The following FAM185A variants were observed in gnomAD, a reference collection of about 807,000 sequenced individuals.
FAM185A encodes protein FAM185A.
A neutral mutation model predicts 45.7 loss-of-function variants in FAM185A; 21 were observed. The ratio of observed to expected loss-of-function variants is 0.46; its 90% CI spans 0.33 to 0.66. The LOEUF (loss-of-function observed/expected upper bound fraction) is 0.66, where lower values mean the gene tolerates loss of function less well. Among genes scored for constraint, FAM185A ranks in the 30% least tolerant of loss-of-function variants. The pLI is 0.03. For missense variants in FAM185A, 305 were observed against 485.4 expected, an observed-to-expected ratio of 0.63 and a Z score of 3.49; for synonymous variants, 117 against 194.0, an observed-to-expected ratio of 0.60 and a Z score of 3.30.
chr7:102,816,676 A>G, the FAM185A span, among the ~76,000 whole-genome samples: 2 of 152,198 alleles, frequency 1.3e-5, no homozygotes, highest in Non-Finnish European at 2.9e-5. Context: ...GGTATATTAC[A>G]TAATGCTGGG....
chr7:102,756,644 G>A (rs1377870430), intron 2 of FAM185A, among the ~76,000 whole-genome samples: 5 of 151,636 alleles, frequency 3.3e-5, no homozygotes, highest in Non-Finnish European at 5.9e-5. Context: ...GCGACAGAGC[G>A]AGACTCTGTC....
chr7:102,749,216 C>T lies in FAM185A; in HGVS notation c.9C>T (p.Ala3=). ML[A]PCSGWELGCF... is the part of the protein sequence containing the mutation. ...GGCGAGAGAGGCGCGCCATGCTTGC[C>T]CCCTGCTCAGGTTGGGAGCTTGGCT... Residue 3 remains alanine (A), a synonymous_variant, in exon 1 of 8, where the codon GCC becomes GCT. Coordinates refer to ENST00000413034, the MANE Select transcript of FAM185A (RefSeq NM_001145268.2). 1 of 1,551,290 alleles carries T rather than the reference C, an allele frequency of 6.4e-7. No individual in the cohort carries two copies.
At chr7:102,827,751 C>T in the FAM185A span, among the ~76,000 whole-genome samples, 1 of 152,012 alleles carries the variant, frequency 6.6e-6, no homozygotes, top group Non-Finnish European at 1.5e-5. Context: ...TGTTCAATTC[C>T]CACCTATGAG....
At chr7:102,832,688 A>G in the FAM185A span, 1 of 905,158 alleles carries the variant, frequency 1.1e-6, no homozygotes, top group East Asian at 2.8e-5. Flanking sequence ...ATCATAAGCT[A>G]TTTCCAATTT....
At chr7:102,833,505 TC>T in the FAM185A span, among the ~76,000 whole-genome samples, 2 of 150,596 alleles carry the variant, frequency 1.3e-5, no homozygotes, top group Non-Finnish European at 3.0e-5. Context: ...CAATCTGAGC[TC>T]ACTGCAACCT....
At chr7:102,822,631 A>G in the FAM185A span, among the ~76,000 whole-genome samples, 141 of 152,368 alleles carry the variant, frequency 9.3e-4, no homozygotes, top group Non-Finnish European at 1.8e-3. Flanking sequence ...CATTCAATTC[A>G]TAACAAATAG....
intron 2 of FAM185A, among the ~76,000 whole-genome samples, chr7:102,753,677 T>TA (rs1199896613): frequency 6.6e-6 from 1 of 151,272 alleles, no homozygotes; most frequent in African/African-American, 2.4e-5. Flanking sequence ...TTAGTTTTTT[T>TA]AAAAAACATA....
chr7:102,788,939 C>T (rs1197525139), intron 7 of FAM185A, among the ~76,000 whole-genome samples: 2 of 152,054 alleles, frequency 1.3e-5, no homozygotes, highest in Admixed American at 1.3e-4. Flanking sequence ...CTGTATAGGG[C>T]ACTTACCATA....
At chr7:102,802,749 A>T (rs1796870587) in intron 7 of FAM185A, among the ~76,000 whole-genome samples, 1 of 152,280 alleles carries the variant, frequency 6.6e-6, no homozygotes, top group East Asian at 1.9e-4. Flanking sequence ...AATACAGAAG[A>T]TAAAAACAAA....
chr7:102,786,158 G>T (rs533730885), intron 6 of FAM185A, among the ~76,000 whole-genome samples: 1 of 151,772 alleles, frequency 6.6e-6, no homozygotes, highest in Non-Finnish European at 1.5e-5. Context: ...TTAGAATGGC[G>T]ATCATTAAAA....
rs895933591 is a variant in FAM185A, at chr7:102,775,359, C to T, written c.836-1894C>T. 1.2e-4 allele frequency among the ~76,000 whole-genome samples: 19 copies of T among 152,250 alleles called. No homozygotes were observed. The East Asian group carries it at 3.5e-3, about 28-fold the overall frequency. ...TTCTGTGGATGAAGCCTTAATTTTA[C>T]TCTTGATAATTAATTTTAGTTCTGA... is the stretch of plus-strand genomic sequence containing the variant. On this transcript the variant is annotated intron_variant, in intron 5 of 7. Transcript: ENST00000413034.
chr7:102,783,766 T>G (rs1287498037), intron 6 of FAM185A, among the ~76,000 whole-genome samples: 2 of 151,852 alleles, frequency 1.3e-5, no homozygotes, highest in Non-Finnish European at 2.9e-5. Context: ...ACATCACAAT[T>G]AAAAGAACTA....
intron 7 of FAM185A, among the ~76,000 whole-genome samples, chr7:102,796,117 G>GGGGGCCAGTGAGTTAGGAGTT (rs1796426165): frequency 5.3e-5 from 8 of 151,860 alleles, no homozygotes; most frequent in Admixed American, 5.2e-4. Flanking sequence ...TAATTTGATA[G>GGGGGCCAGTGAGTTAGGAGTT]GGGGCCAGTG....
chr7:102,755,954 G>A (rs1441051376), intron 2 of FAM185A: 3 of 536,566 alleles, frequency 5.6e-6, no homozygotes, highest in South Asian at 5.0e-5. Flanking sequence ...ACACTGTTGT[G>A]TTTTCTGTAC....
At chr7:102,790,156 G>C (rs1162275689) in intron 7 of FAM185A, among the ~76,000 whole-genome samples, 1 of 152,034 alleles carries the variant, frequency 6.6e-6, no homozygotes. Context: ...CAGTAACACA[G>C]TCATTTATTC....
intron 4 of FAM185A, among the ~76,000 whole-genome samples, chr7:102,767,915 TTC>T (rs1359404319): frequency 6.9e-6 from 1 of 144,708 alleles, no homozygotes; most frequent in Non-Finnish European, 1.5e-5. Flanking sequence ...AACTTCCTGT[TTC>T]TCTCTCATCT....
chr7:102,832,872 G>A, the FAM185A span: 1 of 1,614,210 alleles, frequency 6.2e-7, no homozygotes, highest in Admixed American at 1.7e-5. Flanking sequence ...AGAGATGTGA[G>A]GTTAATGCAG....
the FAM185A span, chr7:102,834,498 T>C: frequency 6.7e-6 from 1 of 148,914 alleles, no homozygotes; most frequent in Admixed American, 6.8e-5. Flanking sequence ...TAGCACAAAA[T>C]AGATTCTCTA....
chr7:102,765,301 A>G (rs1481909214), intron 4 of FAM185A, among the ~76,000 whole-genome samples: 1 of 152,178 alleles, frequency 6.6e-6, no homozygotes, highest in Non-Finnish European at 1.5e-5. Flanking sequence ...CAGGACATTT[A>G]TCGTGCTTTA....
Sources: allele counts gnomAD v4.1 joint callset (sites outside exome capture counted in the v4.1 genomes callset), GRCh38; gene constraint gnomAD v4.1.1; transcripts MANE v1.5; gene names NCBI Gene and HGNC (gene_info 2026-07-23, HGNC 2026-07-21).